SYNPO: variants seen among roughly 807,000 people sequenced by gnomAD.
The protein encoded by SYNPO is synaptopodin.
A neutral mutation model predicts 49.5 loss-of-function variants in SYNPO; 19 were observed. The ratio of observed to expected loss-of-function variants is 0.38; its 90% CI spans 0.27 to 0.56. The LOEUF (loss-of-function observed/expected upper bound fraction) is 0.56, where lower values mean the gene tolerates loss of function less well. Ranked by LOEUF, SYNPO falls within the 20% of genes least tolerant of loss-of-function variation. The pLI is 0.68. For synonymous variants in SYNPO, 536 were observed against 548.0 expected, an observed-to-expected ratio of 0.98 and a Z score of 0.31; for missense variants, 1,131 against 1,248.3, an observed-to-expected ratio of 0.91 and a Z score of 1.42.
rs1758315205 is a variant in SYNPO at position 150,650,190 on chromosome 5, C to T, written c.1915C>T (p.Pro639Ser). The change falls in exon 2 of 3, where the codon CCT (proline) becomes TCT (serine). Residue 639 changes from proline (P) to serine (S), a missense_variant. Physicochemically the swap from Pro to Ser is moderately conservative, Grantham distance 74 (BLOSUM62 -1). Transcript: ENST00000307662. ...CAGCCTGCAGCCCACTGCCGTGAGC[C>T]CTCCTTACGGCGGTGACATCTCCCC... ...QDSLQPTAVS[P>S]PYGGDISPVS... is the part of the protein sequence containing the mutation. The T allele has an allele frequency of 6.2e-7, 1 of 1,614,036 alleles. No individual in the cohort carries two copies. Among genetic ancestry groups the T allele is most frequent in the Non-Finnish European group, 8.5e-7 (1 of 1,180,022 alleles).
At chr5:150,612,508 T>C (rs1378414054) in intron 1 of SYNPO, among the ~76,000 whole-genome samples, 1 of 152,234 alleles carries the variant, frequency 6.6e-6, no homozygotes, top group African/African-American at 2.4e-5. Context: ...ATTGAGAAAG[T>C]ACAGCCTTAT....
At chr5:150,650,466 C>G (rs1758334347) in intron 2 of SYNPO, 163 bp downstream of exon 2, 1 of 1,515,732 alleles carries the variant, frequency 6.6e-7, no homozygotes, top group African/African-American at 1.4e-5. Flanking sequence ...CAGATGCGGC[C>G]ACCAGCTGGC....
rs749589385 is a variant in SYNPO, at chr5:150,657,244, G to C, written c.*157G>C. ...GGGGATGGGTTAGGGACGCAAGCTT[G>C]AGTTCTAGCCCTTGCTCTCATTCAG... On this transcript the variant is annotated 3_prime_UTR_variant, in exon 3 of 3. Coordinates refer to ENST00000307662, the MANE Select transcript of SYNPO (RefSeq NM_007286.6). The C allele has an allele frequency of 1.8e-5, 14 of 778,714 alleles. No homozygotes were observed. Among genetic ancestry groups the C allele is most frequent in the Non-Finnish European group, 2.8e-5 (14 of 499,896 alleles). The allele number at this position is 778,714 out of a possible 1,614,324, so 48.2% of individuals were successfully genotyped here.
upstream of SYNPO, among the ~76,000 whole-genome samples, chr5:150,599,772 G>A (rs1756488883): frequency 6.6e-6 from 1 of 152,112 alleles, no homozygotes; most frequent in Non-Finnish European, 1.5e-5. Flanking sequence ...ATTGTAGCAG[G>A]GACTCAATCA....
chr5:150,647,292 T>C (rs147062193), intron 1 of SYNPO, among the ~76,000 whole-genome samples: 204 of 149,864 alleles, frequency 1.4e-3, no homozygotes, highest in Admixed American at 4.0e-3. Context: ...CTTGGAGCTA[T>C]GCTGTAGGTG....
chr5:150,604,055 G>A (rs1756624802), intron 1 of SYNPO, among the ~76,000 whole-genome samples: 1 of 152,202 alleles, frequency 6.6e-6, no homozygotes, highest in African/African-American at 2.4e-5. Flanking sequence ...TGGGGAAGCT[G>A]CTGGCCATGA....
chr5:150,598,564 T>C (rs969531287), upstream of SYNPO, among the ~76,000 whole-genome samples: 1 of 152,230 alleles, frequency 6.6e-6, no homozygotes, highest in African/African-American at 2.4e-5. Context: ...AAGTGCTCCA[T>C]TAATGGCGGT....
chr5:150,642,025 G>A (rs1185343984), intron 1 of SYNPO, among the ~76,000 whole-genome samples: 2 of 152,240 alleles, frequency 1.3e-5, no homozygotes, highest in Admixed American at 6.5e-5. Context: ...CTCATAAGTT[G>A]TGTGACCCTG....
intron 2 of SYNPO, among the ~76,000 whole-genome samples, chr5:150,619,851 T>C (rs914381035): frequency 1.3e-5 from 2 of 152,152 alleles, no homozygotes; most frequent in African/African-American, 4.8e-5. Context: ...ATGGCCACCA[T>C]TGTCTACCAG....
chr5:150,610,430 T>C (rs1029697543), intron 1 of SYNPO, among the ~76,000 whole-genome samples: 4 of 152,336 alleles, frequency 2.6e-5, no homozygotes, highest in Admixed American at 6.5e-5. Context: ...TCTGGGATCA[T>C]GGGCACAGAC....
At chr5:150,633,260 A>G (rs189772876) in intron 2 of SYNPO, among the ~76,000 whole-genome samples, 25 of 152,348 alleles carry the variant, frequency 1.6e-4, no homozygotes, top group Non-Finnish European at 3.4e-4. Flanking sequence ...ATAACATAGC[A>G]GAGTGGGAAT....
rs896697389 is a variant in SYNPO, at chr5:150,616,001, G to A, written c.-265-2102G>A. On this transcript the variant is annotated intron_variant, in intron 1 of 2. Transcript: ENST00000394243. Reference sequence around the variant, plus strand: ...AGAAGAGGTGCTTCTGTTCTTCCCCGGGGGGCAGAAGGTGGGCTTCTTTCT... The same window carrying A: ...AGAAGAGGTGCTTCTGTTCTTCCCCAGGGGGCAGAAGGTGGGCTTCTTTCT... Among the ~76,000 whole-genome samples, 62 of 152,176 alleles carry A rather than the reference G, an allele frequency of 4.1e-4. 1 individual carries two copies. The highest frequency in any genetic ancestry group is 4.6e-4 in the Admixed American group (7 of 15,286).
At position 150,656,791 on chromosome 5, in the gene SYNPO, C is replaced by G; in HGVS notation, c.2416C>G (p.Gln806Glu). 7.1e-7 allele frequency: 1 copy of G among 1,416,684 alleles called. No homozygotes were observed. The highest frequency in any genetic ancestry group is 9.2e-7 in the Non-Finnish European group (1 of 1,088,932). The allele number at this position is 1,416,684 out of a possible 1,614,324, so 87.8% of individuals were successfully genotyped here. Reference protein sequence around the residue: ...PPPPPRMRSPQPARPGSAAVP... With the variant: ...PPPPPRMRSPEPARPGSAAVP... ...CCCGCCCCCGCGCATGCGCTCGCCA[C>G]AGCCCGCCCGCCCCGGCTCGGCTGC... is the stretch of plus-strand genomic sequence containing the variant. The change falls in exon 3 of 3, where the codon CAG (glutamine) becomes GAG (glutamate). Residue 806 changes from glutamine to glutamate, a missense_variant. By Grantham distance (29) the Gln-to-Glu change is conservative. Around this residue, in one of 4 missense-constraint regions of SYNPO, gnomAD observed 509 missense variants for 484.5 expected, o/e 1.05. Coordinates refer to ENST00000307662, the MANE Select transcript of SYNPO (RefSeq NM_007286.6).
chr5:150,653,235 A>G (rs1758450865), intron 2 of SYNPO: 1 of 152,224 alleles, frequency 6.6e-6, no homozygotes, highest in Admixed American at 6.5e-5. Context: ...ATACACACAG[A>G]GTCAGTGCCC....
upstream of SYNPO, among the ~76,000 whole-genome samples, chr5:150,638,051 G>A: frequency 6.9e-6 from 1 of 145,266 alleles, no homozygotes; most frequent in East Asian, 2.1e-4. Context: ...CTCTATCAAA[G>A]TTTCCTTTCT....
chr5:150,645,693 G>C (rs1350487491), intron 1 of SYNPO, among the ~76,000 whole-genome samples: 2 of 152,170 alleles, frequency 1.3e-5, no homozygotes, highest in Non-Finnish European at 2.9e-5. Flanking sequence ...AGAGACCCCA[G>C]AAAGAACAGT....
rs1758670853 is a variant in SYNPO at position 150,659,180 on chromosome 5, C to T, written c.*2093C>T. ...CTCTTGCCTCTTGTAGAATGCAGCT[C>T]TGGCCCTCAATAAATGCTTCCTGCA... On this transcript the variant is annotated 3_prime_UTR_variant, in exon 3 of 3. Transcript: ENST00000307662. 1 of 152,496 alleles carries T rather than the reference C, an allele frequency of 6.6e-6. No homozygotes were observed. The highest frequency in any genetic ancestry group is 2.1e-4 in the South Asian group (1 of 4,834). The allele number at this position is 152,496 out of a possible 1,614,324, so 9.4% of individuals were successfully genotyped here.
At chr5:150,630,397 T>C (rs1199408338) in intron 2 of SYNPO, among the ~76,000 whole-genome samples, 2 of 152,192 alleles carry the variant, frequency 1.3e-5, no homozygotes, top group African/African-American at 4.8e-5. Flanking sequence ...GGCCGCTTAG[T>C]TCTTGTGGGC....
At chr5:150,650,668 T>C (rs33411) in intron 2 of SYNPO, 18,776 of 1,420,254 alleles carry the variant, frequency 0.013, 145 homozygotes, top group Non-Finnish European at 0.016. Flanking sequence ...GATGCCAGCG[T>C]CTTGCTGGGG....
Sources: allele counts gnomAD v4.1 joint callset (sites outside exome capture counted in the v4.1 genomes callset), GRCh38; gene constraint gnomAD v4.1.1; regional missense constraint gnomAD v4.1.1; transcripts MANE v1.5; gene names NCBI Gene and HGNC (gene_info 2026-07-23, HGNC 2026-07-21).